The following SORCS1 variants were observed in gnomAD, a reference collection of about 807,000 sequenced individuals.
SORCS1 encodes VPS10 domain-containing receptor SorCS1.
Under a neutral mutation model 146.1 loss-of-function variants are expected in SORCS1, and 60 were observed. The observed-to-expected ratio is 0.41, with a 90% CI of 0.33 to 0.51. SORCS1 has a LOEUF of 0.51. Ranked by LOEUF, SORCS1 falls within the 20% of genes least tolerant of loss-of-function variation. SORCS1 has a pLI of 0.21. For synonymous variants in SORCS1, 637 were observed against 584.0 expected (o/e 1.09, Z -1.31); for missense variants, 1,352 against 1,487.6 (o/e 0.91, Z 1.50).
intron 9 of SORCS1, among the ~76,000 whole-genome samples, chr10:106,694,803 C>T (rs1853572650): frequency 6.6e-6 from 1 of 152,218 alleles, no homozygotes; most frequent in South Asian, 2.1e-4. Flanking sequence ...TGTATGCACA[C>T]ATTCTTGTGT....
intron 1 of SORCS1, among the ~76,000 whole-genome samples, chr10:106,986,405 T>G (rs1956471553): frequency 1.3e-5 from 2 of 152,192 alleles, no homozygotes; most frequent in Admixed American, 1.3e-4. Context: ...AAACCATACT[T>G]AGCCATACCA....
At chr10:106,621,499 T>C (rs7074484) in intron 19 of SORCS1, among the ~76,000 whole-genome samples, 39,206 of 151,120 alleles carry the variant, frequency 0.26, 6,239 homozygotes, top group East Asian at 0.53. Context: ...TTTCACTCTC[T>C]ACAGACTTTT....
chr10:106,787,990 C>T (rs980167422), intron 3 of SORCS1, among the ~76,000 whole-genome samples: 2 of 152,182 alleles, frequency 1.3e-5, no homozygotes, highest in East Asian at 1.9e-4. Flanking sequence ...GATGGTTTGG[C>T]TTTCTTTGAA....
At chr10:106,858,767 C>G (rs1949890436) in intron 2 of SORCS1, among the ~76,000 whole-genome samples, 1 of 152,158 alleles carries the variant, frequency 6.6e-6, no homozygotes, top group African/African-American at 2.4e-5. Flanking sequence ...ATACCTGGAT[C>G]TCTATTTTGC....
At chr10:106,604,574 C>T (rs1307452924) in intron 23 of SORCS1, among the ~76,000 whole-genome samples, 2 of 152,170 alleles carry the variant, frequency 1.3e-5, no homozygotes, top group Non-Finnish European at 2.9e-5. Context: ...AATTTACAGT[C>T]TCTAGCTTGG....
chr10:106,857,094 C>T (rs1160177316), intron 2 of SORCS1, among the ~76,000 whole-genome samples: 1 of 152,162 alleles, frequency 6.6e-6, no homozygotes, highest in Non-Finnish European at 1.5e-5. Flanking sequence ...ACTCTAAGTG[C>T]CCTGAAAGCA....
upstream of SORCS1, among the ~76,000 whole-genome samples, chr10:107,168,714 T>C (rs1423534439): frequency 1.4e-5 from 2 of 147,078 alleles, no homozygotes; most frequent in African/African-American, 5.0e-5. Context: ...ACATAAGTAC[T>C]ATCATTCTCC....
chr10:106,954,895 A>T (rs1954860345), intron 2 of SORCS1, among the ~76,000 whole-genome samples: 1 of 151,714 alleles, frequency 6.6e-6, no homozygotes, highest in South Asian at 2.1e-4. Flanking sequence ...ACTCAATAAA[A>T]CTCTTCTTGG....
intron 19 of SORCS1, among the ~76,000 whole-genome samples, chr10:106,625,395 G>T (rs1350916840): frequency 1.3e-5 from 2 of 152,150 alleles, no homozygotes; most frequent in Admixed American, 1.3e-4. Flanking sequence ...ATTAAGCTGA[G>T]ATCCTAAAAC....
At chr10:106,945,900 G>C (rs1187570664) in intron 2 of SORCS1, among the ~76,000 whole-genome samples, 1 of 152,218 alleles carries the variant, frequency 6.6e-6, no homozygotes, top group African/African-American at 2.4e-5. Flanking sequence ...AATACATGCA[G>C]ATCCTTATAG....
intron 2 of SORCS1, among the ~76,000 whole-genome samples, chr10:106,866,941 G>GT (rs1159076209): frequency 3.9e-5 from 6 of 152,168 alleles, no homozygotes; most frequent in African/African-American, 1.4e-4. Context: ...AGTGGCCAGA[G>GT]TGTCATATGT....
chr10:106,615,525 A>C (rs991341872), intron 21 of SORCS1, among the ~76,000 whole-genome samples: 1 of 152,108 alleles, frequency 6.6e-6, no homozygotes, highest in African/African-American at 2.4e-5. Flanking sequence ...AAACTGTCTG[A>C]TCATGGAACC....
chr10:107,137,306 C>T (rs756046485), intron 1 of SORCS1, among the ~76,000 whole-genome samples: 26 of 152,104 alleles, frequency 1.7e-4, no homozygotes, highest in Non-Finnish European at 3.4e-4. Flanking sequence ...CTTTTTTGAC[C>T]TAGAGGAACA....
intron 17 of SORCS1, among the ~76,000 whole-genome samples, chr10:106,663,347 C>G (rs1850880244): frequency 6.6e-6 from 1 of 151,704 alleles, no homozygotes; most frequent in Non-Finnish European, 1.5e-5. Flanking sequence ...TCTCTTGGGA[C>G]AAGTATTTAC....
chr10:106,709,104 C>A, intron 7 of SORCS1, 119 bp downstream of exon 7: 2 of 717,850 alleles, frequency 2.8e-6, no homozygotes, highest in Non-Finnish European at 4.8e-6. Context: ...CTCCCTACCT[C>A]CTTCCCTCCC....
At chr10:106,948,301 T>A (rs1362828731) in intron 2 of SORCS1, among the ~76,000 whole-genome samples, 4 of 148,108 alleles carry the variant, frequency 2.7e-5, no homozygotes, top group Non-Finnish European at 4.5e-5. Context: ...AAAAAAAAAA[T>A]GTATCTGTGT....
At position 106,671,240 on chromosome 10, in the gene SORCS1, T is replaced by C. The variant is rs1851576438; in HGVS notation, c.2186A>G (p.Asp729Gly). ...GGAGATAATTGCACAAGCTCACCAA[T>C]CAAAATCAGCCTCAGTGCAGACACA... ...EPCVCTEADF[D>G]CDYGYERHSN... The change falls in exon 16 of 26, where the codon GAT (aspartate) becomes GGT (glycine). Residue 729 changes from aspartate to glycine, a missense_variant. Physicochemically the swap from Asp to Gly is moderately conservative, Grantham distance 94. This residue lies in a region of SORCS1 where 648 missense variants were observed against 793.8 expected (regional missense o/e 0.82). Transcript: ENST00000263054. 6.2e-7 allele frequency: 1 copy of C among 1,613,948 alleles called. No homozygotes were observed.
chr10:106,983,217 T>C (rs1172357527), intron 1 of SORCS1, among the ~76,000 whole-genome samples: 1 of 147,412 alleles, frequency 6.8e-6, no homozygotes, highest in African/African-American at 2.5e-5. Flanking sequence ...TATATAAATA[T>C]ATATACATAT....
At chr10:107,036,228 T>C (rs1164731031) in intron 1 of SORCS1, among the ~76,000 whole-genome samples, 1 of 152,172 alleles carries the variant, frequency 6.6e-6, no homozygotes, top group African/African-American at 2.4e-5. Flanking sequence ...TGAATAAAAA[T>C]AGTATAACAA....
Sources: allele counts gnomAD v4.1 joint callset (sites outside exome capture counted in the v4.1 genomes callset), GRCh38; gene constraint gnomAD v4.1.1; regional missense constraint gnomAD v4.1.1; transcripts MANE v1.5; gene names NCBI Gene and HGNC (gene_info 2026-07-23, HGNC 2026-07-21).